KIAA0930: variants seen among roughly 807,000 people sequenced by gnomAD.
The protein encoded by KIAA0930 is KIAA0930.
Under a neutral mutation model 43.9 loss-of-function variants are expected in KIAA0930, and 24 were observed. The ratio of observed to expected loss-of-function variants is 0.55; its 90% CI spans 0.40 to 0.77. The LOEUF is 0.77. Ranked by LOEUF, KIAA0930 falls within the 30% of genes least tolerant of loss-of-function variation. The probability of loss-of-function intolerance (pLI) is 0.00; values close to 1 mark genes in which losing one functional copy is unlikely to be tolerated. For synonymous variants in KIAA0930, 259 were observed against 216.4 expected (o/e 1.20, Z -1.73); for missense variants, 461 against 574.2 (o/e 0.80, Z 2.02).
intron 1 of KIAA0930, among the ~76,000 whole-genome samples, chr22:45,231,871 G>C (rs921289719): frequency 6.6e-6 from 1 of 152,092 alleles, no homozygotes; most frequent in Non-Finnish European, 1.5e-5. Flanking sequence ...GGTGCCTGTA[G>C]TCCCAGCTAC....
chr22:45,218,977 C>G (rs571682867), intron 1 of KIAA0930, among the ~76,000 whole-genome samples: 9 of 152,196 alleles, frequency 5.9e-5, no homozygotes, highest in African/African-American at 2.2e-4. Context: ...ACTTTCCAGC[C>G]GAGTGCCAAT....
At chr22:45,219,535 A>G (rs1373486956) in intron 1 of KIAA0930, among the ~76,000 whole-genome samples, 1 of 151,336 alleles carries the variant, frequency 6.6e-6, no homozygotes, top group Admixed American at 6.6e-5. Context: ...ATGTCCAAGA[A>G]CTATCTCCCA....
chr22:45,198,835 G>T (rs368296623), intron 8 of KIAA0930, among the ~76,000 whole-genome samples: 1 of 152,154 alleles, frequency 6.6e-6, no homozygotes, highest in Non-Finnish European at 1.5e-5. Context: ...ATTTTTAGTA[G>T]AGACAGGGTT....
intron 1 of KIAA0930, among the ~76,000 whole-genome samples, chr22:45,229,352 C>T (rs2147763894): frequency 6.6e-6 from 1 of 150,806 alleles, no homozygotes; most frequent in Admixed American, 6.6e-5. Context: ...AGATCCCTCT[C>T]CACTCCCCCA....
intron 1 of KIAA0930, among the ~76,000 whole-genome samples, chr22:45,237,193 G>A (rs1301439227): frequency 1.3e-5 from 2 of 152,254 alleles, no homozygotes; most frequent in Non-Finnish European, 1.5e-5. Context: ...GTGACCTGGA[G>A]TCATGAGCAG....
At position 45,205,270 on chromosome 22, in the gene KIAA0930, C is replaced by G. The variant is rs1241952506; in HGVS notation, c.463G>C (p.Glu155Gln). ...ATGTTGGGGTAGCTGATCTTGGACT[C>G]CTCCCCCTTGCTGTCCATGGGGTGT... is the stretch of plus-strand genomic sequence containing the variant. ...SKHPMDSKGE[E>Q]SKISYPNIFF... The change falls in exon 5 of 10, where the codon GAG becomes CAG. Residue 155 changes from glutamate to glutamine, a missense_variant. Physicochemically the swap from Glu to Gln is conservative, Grantham distance 29. Transcript: ENST00000336156. The G allele has an allele frequency of 1.2e-6, 2 of 1,614,226 alleles. No homozygotes were observed. Among genetic ancestry groups the G allele is most frequent in the South Asian group, 1.1e-5 (1 of 91,086 alleles).
rs2083495774 is a variant in KIAA0930 at position 45,192,280 on chromosome 22, C to T, written c.*4896G>A. On this transcript the variant is annotated 3_prime_UTR_variant, in exon 10 of 10. Transcript: ENST00000336156. ...AAAATTTAATATTCAACATGCAAAA[C>T]AACCTTTAAAAGAAACATGAAATCA... 6.6e-6 allele frequency: 1 copy of T among 152,062 alleles called. No individual in the cohort carries two copies. Among genetic ancestry groups the T allele is most frequent in the Non-Finnish European group, 1.5e-5 (1 of 68,000 alleles). 9.4% of individuals were successfully genotyped at this position (152,062 alleles called of 1,614,324 possible).
At position 45,205,717 on chromosome 22, in the gene KIAA0930, A is replaced by T; in HGVS notation, c.337-10T>A. 6.2e-7 allele frequency: 1 copy of T among 1,614,078 alleles called. No individual in the cohort carries two copies. The highest frequency in any genetic ancestry group is 2.2e-5 in the East Asian group (1 of 44,872). On this transcript the variant is annotated splice_polypyrimidine_tract_variant and intron_variant, in intron 3 of 9. Coordinates refer to ENST00000336156, the MANE Select transcript of KIAA0930 (RefSeq NM_001009880.2). Reference sequence around the variant, plus strand: ...TCACCATGTAGTCCAGCTGGAAGAGAGCACGGGTCAGCGTGCAGGGAGGGG... The same window carrying T: ...TCACCATGTAGTCCAGCTGGAAGAGTGCACGGGTCAGCGTGCAGGGAGGGG...
chr22:45,208,229 A>C (rs997350453), intron 2 of KIAA0930, among the ~76,000 whole-genome samples: 7 of 151,930 alleles, frequency 4.6e-5, no homozygotes, highest in African/African-American at 1.4e-4. Context: ...AACAGGCATG[A>C]CTCACAAACA....
Position 45,212,095 on chromosome 22 carries a change from T to C in KIAA0930, c.77A>G (p.Asp26Gly). Residue 26 changes from aspartate to glycine, a missense_variant, in exon 2 of 10, where the codon GAT (aspartate) becomes GGT (glycine). Physicochemically the swap from Asp to Gly is moderately conservative, Grantham distance 94. Coordinates refer to ENST00000336156, the MANE Select transcript of KIAA0930 (RefSeq NM_001009880.2). Reference sequence around the variant, plus strand: ...CCAAGTCCAGAAGACGATGCGGTCATCCTTGAAGCACCCTGCAGAGGGAGG... The same window carrying C: ...CCAAGTCCAGAAGACGATGCGGTCACCCTTGAAGCACCCTGCAGAGGGAGG... ...REVCGLGCFK[D>G]DRIVFWTWMF... The C allele has an allele frequency of 6.2e-7, 1 of 1,613,826 alleles. No individual in the cohort carries two copies.
intron 1 of KIAA0930, among the ~76,000 whole-genome samples, chr22:45,215,326 C>T (rs13058714): frequency 6.6e-6 from 1 of 152,202 alleles, no homozygotes; most frequent in Non-Finnish European, 1.5e-5. Flanking sequence ...TAAGTTGTAG[C>T]TAATGCTGGC....
chr22:45,238,960 A>T (rs2083902519), intron 1 of KIAA0930, among the ~76,000 whole-genome samples: 1 of 151,848 alleles, frequency 6.6e-6, no homozygotes, highest in South Asian at 2.1e-4. Context: ...CAAAGTCAGC[A>T]TTGTGTCAGG....
At chr22:45,233,379 G>A (rs5765226) in intron 1 of KIAA0930, among the ~76,000 whole-genome samples, 80,991 of 151,994 alleles carry the variant, frequency 0.53, 21,720 homozygotes, top group South Asian at 0.6. Flanking sequence ...AAGTGGAACG[G>A]GTAAGCACAG....
chr22:45,234,999 CTTTT>C (rs3215445), intron 1 of KIAA0930, among the ~76,000 whole-genome samples: 18 of 151,306 alleles, frequency 1.2e-4, no homozygotes, highest in Non-Finnish European at 7.4e-5. Flanking sequence ...GTGCATGTGA[CTTTT>C]TTTTTAATTA....
intron 1 of KIAA0930, among the ~76,000 whole-genome samples, chr22:45,224,362 A>G (rs541338556): frequency 1.1e-4 from 17 of 152,218 alleles, no homozygotes; most frequent in Non-Finnish European, 2.4e-4. Flanking sequence ...CCTGTTTTAC[A>G]AATACTCTGC....
chr22:45,240,729 TCG>T lies in KIAA0930; in HGVS notation c.-28_-27del. 9.6e-7 allele frequency: 1 copy of T among 1,040,918 alleles called. No homozygotes were observed. The highest frequency in any genetic ancestry group is 1.1e-6 in the Non-Finnish European group (1 of 891,006). 64.5% of individuals were successfully genotyped at this position (1,040,918 alleles called of 1,614,324 possible). ...GTGCTGCAGCGAGCGCTCCTCGGCCTCGGCGCCGCCCGCAGGCTCGGGGGCGG... is the reference window on the plus strand; with the variant it reads ...GTGCTGCAGCGAGCGCTCCTCGGCCTGCGCCGCCCGCAGGCTCGGGGGCGG... On this transcript the variant is annotated 5_prime_UTR_variant, in exon 1 of 10. Transcript: ENST00000336156.
intron 2 of KIAA0930, among the ~76,000 whole-genome samples, chr22:45,208,870 G>A (rs1163972919): frequency 1.3e-5 from 2 of 152,188 alleles, no homozygotes; most frequent in African/African-American, 2.4e-5. Context: ...GAAGGTGATC[G>A]GCACCTTAGG....
intron 4 of KIAA0930, 91 bp downstream of exon 4, chr22:45,205,539 C>A: frequency 7.9e-7 from 1 of 1,270,712 alleles, no homozygotes; most frequent in South Asian, 1.2e-5. Context: ...ACCTCCAGGG[C>A]AGAGAAGCAA....
At chr22:45,229,044 C>G in intron 1 of KIAA0930, among the ~76,000 whole-genome samples, 1 of 94,090 alleles carries the variant, frequency 1.1e-5, no homozygotes, top group Non-Finnish European at 2.2e-5. Context: ...TCTCCACCCC[C>G]CCACCACCAA....
Sources: allele counts gnomAD v4.1 joint callset (sites outside exome capture counted in the v4.1 genomes callset), GRCh38; gene constraint gnomAD v4.1.1; transcripts MANE v1.5; gene names NCBI Gene and HGNC (gene_info 2026-07-23, HGNC 2026-07-21).